The following CADM2 variants were observed in gnomAD, a reference collection of about 807,000 sequenced individuals.
CADM2 encodes the protein cell adhesion molecule 2, also known as immunoglobulin superfamily member 4D.
In CADM2, 12 loss-of-function variants were observed where a neutral mutation model predicts 49.8. The ratio of observed to expected loss-of-function variants is 0.24; its 90% CI spans 0.15 to 0.39. The LOEUF (loss-of-function observed/expected upper bound fraction) is 0.39. Among genes scored for constraint, CADM2 ranks in the 10% least tolerant of loss-of-function variants. CADM2 has a pLI of 1.00. For missense variants in CADM2, 378 were observed against 492.3 expected (o/e 0.77, Z 2.20); for synonymous variants, 214 against 175.4 (o/e 1.22, Z -1.74).
At chr3:86,012,946 G>C (rs1461993810) in intron 8 of CADM2, 7 of 681,718 alleles carry the variant, frequency 1.0e-5, no homozygotes, top group African/African-American at 1.8e-5. Context: ...CTGCACTCCA[G>C]CCTGGGCGAC....
rs1211048522 is a variant in CADM2 at position 85,132,547 on chromosome 3, C to T, written c.61+172879C>T. 1.4e-4 allele frequency among the ~76,000 whole-genome samples: 22 copies of T among 151,762 alleles called. 1 individual carries two copies. Among genetic ancestry groups the T allele is most frequent in the Admixed American group, 1.4e-3 (22 of 15,234 alleles). ...ACAACTGATATTTCAAGTGTTTTTG[C>T]AGTATTTTACTTTCTGCTCATTTGT... On this transcript the variant is annotated intron_variant, in intron 1 of 9. Transcript: ENST00000383699.
At chr3:85,050,297 T>C (rs1313454702) in intron 1 of CADM2, among the ~76,000 whole-genome samples, 1 of 152,054 alleles carries the variant, frequency 6.6e-6, no homozygotes, top group African/African-American at 2.4e-5. Flanking sequence ...AGTACACCTG[T>C]ACCCCACATG....
At chr3:85,100,187 T>C (rs1307826453) in intron 1 of CADM2, among the ~76,000 whole-genome samples, 1 of 152,222 alleles carries the variant, frequency 6.6e-6, no homozygotes, top group African/African-American at 2.4e-5. Context: ...TATACTTCAG[T>C]ATCTAAATAT....
At chr3:85,180,839 A>G (rs1197508648) in intron 1 of CADM2, among the ~76,000 whole-genome samples, 1 of 152,198 alleles carries the variant, frequency 6.6e-6, no homozygotes, top group African/African-American at 2.4e-5. Context: ...TAATCACACA[A>G]TACTCCTTGA....
intron 5 of CADM2, among the ~76,000 whole-genome samples, chr3:85,908,640 A>T (rs777975339): frequency 3.9e-5 from 6 of 151,996 alleles, no homozygotes; most frequent in Non-Finnish European, 8.8e-5. Flanking sequence ...CCAATTTTAA[A>T]TGTATCGACA....
chr3:85,349,132 T>C (rs183718408), intron 1 of CADM2, among the ~76,000 whole-genome samples: 11 of 152,278 alleles, frequency 7.2e-5, no homozygotes. Flanking sequence ...CTGTTCTAAA[T>C]GCCATCTTTT....
At chr3:85,535,678 C>T (rs2061408169) in intron 1 of CADM2, among the ~76,000 whole-genome samples, 1 of 152,082 alleles carries the variant, frequency 6.6e-6, no homozygotes, top group Non-Finnish European at 1.5e-5. Context: ...CTGTGTGTCT[C>T]CCTGGTAGGA....
intron 1 of CADM2, among the ~76,000 whole-genome samples, chr3:85,639,750 A>G (rs1272521970): frequency 1.3e-5 from 2 of 152,172 alleles, no homozygotes; most frequent in Non-Finnish European, 2.9e-5. Context: ...AGAAGGAAGA[A>G]AGTTTCAGGG....
chr3:85,717,697 A>G (rs1451857845), intron 1 of CADM2, among the ~76,000 whole-genome samples: 1 of 152,056 alleles, frequency 6.6e-6, no homozygotes, highest in African/African-American at 2.4e-5. Flanking sequence ...TATAGCATGA[A>G]GCGTTGTTGA....
intron 1 of CADM2, among the ~76,000 whole-genome samples, chr3:85,462,569 G>T (rs971409633): frequency 2.6e-5 from 4 of 151,942 alleles, no homozygotes; most frequent in Non-Finnish European, 4.4e-5. Flanking sequence ...CATTAATCTG[G>T]GTTCGTTTTA....
intron 1 of CADM2, among the ~76,000 whole-genome samples, chr3:85,432,185 A>G (rs1258376106): frequency 6.6e-6 from 1 of 151,906 alleles, no homozygotes. Flanking sequence ...ACTTGGCCCA[A>G]TCACTGGTAA....
chr3:85,314,415 T>A (rs2044418509), intron 1 of CADM2, among the ~76,000 whole-genome samples: 1 of 152,052 alleles, frequency 6.6e-6, no homozygotes, highest in Non-Finnish European at 1.5e-5. Context: ...AGTTCCTGGA[T>A]ATTAACAACT....
intron 3 of CADM2, among the ~76,000 whole-genome samples, chr3:85,857,897 A>C (rs2075376821): frequency 6.6e-6 from 1 of 152,248 alleles, no homozygotes; most frequent in Non-Finnish European, 1.5e-5. Flanking sequence ...ATTGCCATCC[A>C]GAGCAAAACA....
intron 1 of CADM2, among the ~76,000 whole-genome samples, chr3:85,245,002 T>G (rs2107844212): frequency 6.6e-6 from 1 of 152,286 alleles, no homozygotes; most frequent in African/African-American, 2.4e-5. Flanking sequence ...ACAGTATTAC[T>G]CTCAAGTCAC....
At chr3:86,014,306 A>G in intron 8 of CADM2, 2 of 1,359,472 alleles carry the variant, frequency 1.5e-6, no homozygotes, top group East Asian at 2.3e-5. Context: ...AAAATGTCCT[A>G]TCTTTTACAA....
chr3:85,813,111 T>C (rs2072988125), intron 3 of CADM2, among the ~76,000 whole-genome samples: 1 of 152,194 alleles, frequency 6.6e-6, no homozygotes, highest in Admixed American at 6.5e-5. Context: ...TCTAGATCCT[T>C]GAGGAATCAC....
intron 1 of CADM2, among the ~76,000 whole-genome samples, chr3:85,228,908 G>A (rs377230116): frequency 2.0e-5 from 3 of 152,112 alleles, no homozygotes; most frequent in East Asian, 1.9e-4. Flanking sequence ...TAAGTCTGCC[G>A]AAGCTTTGCC....
chr3:85,260,433 A>T (rs1300532202), intron 1 of CADM2, among the ~76,000 whole-genome samples: 1 of 152,142 alleles, frequency 6.6e-6, no homozygotes, highest in African/African-American at 2.4e-5. Context: ...TAGGATATTT[A>T]TTTCATCTAG....
chr3:85,226,146 A>G (rs1486697430), intron 1 of CADM2, among the ~76,000 whole-genome samples: 1 of 152,098 alleles, frequency 6.6e-6, no homozygotes, highest in African/African-American at 2.4e-5. Flanking sequence ...TCAGTTAGGG[A>G]GAATTCCTTC....
Sources: allele counts gnomAD v4.1 joint callset (sites outside exome capture counted in the v4.1 genomes callset), GRCh38; gene constraint gnomAD v4.1.1; transcripts MANE v1.5; gene names NCBI Gene and HGNC (gene_info 2026-07-23, HGNC 2026-07-21).